Variants in MOB3B observed in about 807,000 individuals in gnomAD.
The protein encoded by MOB3B is MOB kinase activator-like 2B.
Under a neutral mutation model 18.7 loss-of-function variants are expected in MOB3B, and 7 were observed. That is an observed-to-expected ratio of 0.37 (90% CI 0.21 to 0.70). The LOEUF (loss-of-function observed/expected upper bound fraction) is 0.70. MOB3B is among the 30% of genes least tolerant of loss of function. MOB3B has a pLI of 0.52. For missense variants in MOB3B, 253 were observed against 281.3 expected (o/e 0.90, Z 0.72); for synonymous variants, 111 against 99.9 (o/e 1.11, Z -0.66).
intron 2 of MOB3B, among the ~76,000 whole-genome samples, chr9:27,374,013 C>T (rs1459122613): frequency 1.3e-5 from 2 of 152,190 alleles, no homozygotes; most frequent in South Asian, 2.1e-4. Context: ...AAACCTGGTT[C>T]AAATAAGGCA....
intron 2 of MOB3B, among the ~76,000 whole-genome samples, chr9:27,447,878 A>G (rs915225135): frequency 1.3e-5 from 2 of 152,184 alleles, no homozygotes; most frequent in African/African-American, 4.8e-5. Flanking sequence ...TTTTCCAAGA[A>G]TAGACAACTG....
At chr9:27,458,011 G>A (rs1400089426) in intron 1 of MOB3B, among the ~76,000 whole-genome samples, 1 of 152,176 alleles carries the variant, frequency 6.6e-6, no homozygotes, top group African/African-American at 2.4e-5. Flanking sequence ...GAAATACAGA[G>A]AAAGGGTGGT....
chr9:27,430,921 T>C (rs1822408268), intron 2 of MOB3B, among the ~76,000 whole-genome samples: 1 of 141,784 alleles, frequency 7.1e-6, no homozygotes, highest in Non-Finnish European at 1.5e-5. Context: ...CCATCCTGCC[T>C]GCTTGGGAAA....
intron 1 of MOB3B, among the ~76,000 whole-genome samples, chr9:27,502,085 T>G (rs767706827): frequency 5.9e-5 from 9 of 152,140 alleles, no homozygotes; most frequent in Non-Finnish European, 8.8e-5. Context: ...ACACGATCCT[T>G]CTCCCTACAA....
chr9:27,396,067 G>A (rs146783652), intron 2 of MOB3B, among the ~76,000 whole-genome samples: 17 of 152,076 alleles, frequency 1.1e-4, no homozygotes, highest in African/African-American at 3.9e-4. Context: ...GGGGTGTGGG[G>A]GAGGGCTCTA....
intron 2 of MOB3B, chr9:27,421,606 C>T (rs1822252630): frequency 6.6e-6 from 1 of 152,368 alleles, no homozygotes; most frequent in African/African-American, 2.4e-5. Context: ...CAACTGGTTT[C>T]TCGTCATCCT....
chr9:27,454,437 T>G (rs1020885129), intron 2 of MOB3B, among the ~76,000 whole-genome samples: 66 of 152,232 alleles, frequency 4.3e-4, no homozygotes, highest in African/African-American at 1.6e-3. Context: ...AAATTCTAAA[T>G]TCAGTCTGAA....
intron 3 of MOB3B, among the ~76,000 whole-genome samples, chr9:27,336,919 C>G (rs151263393): frequency 2.0e-5 from 3 of 152,148 alleles, no homozygotes; most frequent in Non-Finnish European, 4.4e-5. Flanking sequence ...TGAAAAGACA[C>G]GAGGAAAGCT....
At chr9:27,500,992 GA>G (rs1039897987) in intron 1 of MOB3B, among the ~76,000 whole-genome samples, 3 of 150,670 alleles carry the variant, frequency 2.0e-5, no homozygotes, top group Non-Finnish European at 4.4e-5. Context: ...ACAAACATAT[GA>G]AAAAAAAACC....
At chr9:27,360,663 G>A (rs1224873984) in intron 2 of MOB3B, among the ~76,000 whole-genome samples, 1 of 152,184 alleles carries the variant, frequency 6.6e-6, no homozygotes, top group Admixed American at 6.5e-5. Flanking sequence ...TCCCTCCACA[G>A]AAACCTAGCA....
Position 27,328,382 on chromosome 9 carries a change from C to A in MOB3B, c.*2205G>T. 1 of 145,030 alleles carries A rather than the reference C, an allele frequency of 6.9e-6. No individual in the cohort carries two copies. The highest frequency in any genetic ancestry group is 1.5e-5 in the Non-Finnish European group (1 of 66,290). 9.0% of individuals were successfully genotyped at this position (145,030 alleles called of 1,614,324 possible). On this transcript the variant is annotated 3_prime_UTR_variant, in exon 4 of 4. Transcript: ENST00000262244. ...AAAGTTCTGTGGGAACAGGAATATT[C>A]TGTGATTAAAAAAAAAAAAAGGGTA...
intron 2 of MOB3B, among the ~76,000 whole-genome samples, chr9:27,376,986 G>A (rs995393945): frequency 3.9e-5 from 6 of 152,146 alleles, no homozygotes; most frequent in Non-Finnish European, 7.3e-5. Flanking sequence ...CAAGTCTCTC[G>A]TCTCCCATTT....
intron 2 of MOB3B, among the ~76,000 whole-genome samples, chr9:27,371,083 GT>G (rs1408645719): frequency 6.6e-6 from 1 of 152,172 alleles, no homozygotes; most frequent in African/African-American, 2.4e-5. Flanking sequence ...TTGCATTGAT[GT>G]GGTTATTTTC....
chr9:27,505,915 GA>G (rs1287597525), intron 1 of MOB3B, among the ~76,000 whole-genome samples: 2 of 152,110 alleles, frequency 1.3e-5, no homozygotes, highest in Admixed American at 6.5e-5. Flanking sequence ...AAACTAAGGG[GA>G]AAAAAATGAC....
chr9:27,434,103 C>T (rs939801505), intron 2 of MOB3B, among the ~76,000 whole-genome samples: 2 of 152,128 alleles, frequency 1.3e-5, no homozygotes, highest in African/African-American at 4.8e-5. Context: ...GACTGACATT[C>T]CTGGCTTTGT....
chr9:27,411,546 A>C (rs1411723), intron 2 of MOB3B, among the ~76,000 whole-genome samples: 145,877 of 152,262 alleles, frequency 0.96, 70,182 homozygotes, highest in East Asian at 1. Flanking sequence ...AACTAGTCTC[A>C]TCAGAATTAG....
chr9:27,508,011 G>A (rs904866794), intron 1 of MOB3B, among the ~76,000 whole-genome samples: 1 of 152,180 alleles, frequency 6.6e-6, no homozygotes, highest in Non-Finnish European at 1.5e-5. Context: ...AGATTTCAAG[G>A]TAACTGGTTA....
At chr9:27,332,294 G>C (rs925961706) in intron 3 of MOB3B, among the ~76,000 whole-genome samples, 4 of 152,158 alleles carry the variant, frequency 2.6e-5, no homozygotes, top group African/African-American at 9.7e-5. Context: ...CCCAGCTTTT[G>C]GCTTAACTCT....
At chr9:27,337,384 A>G (rs1000193500) in intron 3 of MOB3B, among the ~76,000 whole-genome samples, 1 of 152,096 alleles carries the variant, frequency 6.6e-6, no homozygotes, top group Admixed American at 6.5e-5. Flanking sequence ...TCCCTCTCTC[A>G]TGGCTTTCCC....
Sources: allele counts gnomAD v4.1 joint callset (sites outside exome capture counted in the v4.1 genomes callset), GRCh38; gene constraint gnomAD v4.1.1; transcripts MANE v1.5; gene names NCBI Gene and HGNC (gene_info 2026-07-23, HGNC 2026-07-21).